Variants in SYTL3 observed in about 807,000 individuals in gnomAD.
SYTL3 encodes synaptotagmin like 3, also known as synaptotagmin-like protein 3.
SYTL3 carries 88 observed loss-of-function variants against 82.1 expected under a neutral mutation model. The observed-to-expected ratio is 1.07, with a 90% CI of 0.90 to 1.28. The LOEUF is 1.28. SYTL3 is among the 50% of genes most tolerant of loss of function. The probability of loss-of-function intolerance (pLI) is 0.00; values close to 1 mark genes in which losing one functional copy is unlikely to be tolerated. For missense variants in SYTL3, 831 were observed against 757.6 expected (o/e 1.10, Z -1.14); for synonymous variants, 311 against 289.4 (o/e 1.07, Z -0.76).
At chr6:158,722,852 G>A (rs780086371) in intron 10 of SYTL3, among the ~76,000 whole-genome samples, 22 of 129,604 alleles carry the variant, frequency 1.7e-4, no homozygotes, top group Admixed American at 4.6e-4. Context: ...TGCAACCTCC[G>A]CCTCCCAGGT....
chr6:158,663,349 G>A lies in SYTL3; in HGVS notation c.81G>A (p.Ala27=), dbSNP rs560281807. ...TCCAGGTCCTGTACCGAGACCAGGC[G>A]GTTCAAAACACAGAGGAGGAGAGGA... ...AILQVLYRDQ[A]VQNTEEERTR... is the part of the protein sequence containing the mutation. Residue 27 remains alanine (A), a synonymous_variant, in exon 4 of 18, where the codon GCG becomes GCA. Coordinates refer to ENST00000611299, the MANE Select transcript of SYTL3 (RefSeq NM_001242394.2). The A allele has an allele frequency of 1.9e-5, 30 of 1,613,988 alleles. No homozygotes were observed. Among genetic ancestry groups the A allele is most frequent in the African/African-American group, 5.3e-5 (4 of 75,022 alleles).
chr6:158,675,735 C>G (rs928237950), intron 5 of SYTL3, among the ~76,000 whole-genome samples: 4 of 152,132 alleles, frequency 2.6e-5, no homozygotes, highest in African/African-American at 9.7e-5. Context: ...ATCATGAGGT[C>G]AGGAGATCGA....
chr6:158,720,075 T>G (rs1016221618), intron 10 of SYTL3, among the ~76,000 whole-genome samples: 2 of 148,524 alleles, frequency 1.3e-5, no homozygotes, highest in Non-Finnish European at 3.0e-5. Flanking sequence ...GGTGACAGAG[T>G]GAAACCCTGT....
intron 14 of SYTL3, among the ~76,000 whole-genome samples, chr6:158,759,246 C>T (rs1483803113): frequency 6.6e-6 from 1 of 151,392 alleles, no homozygotes; most frequent in Non-Finnish European, 1.5e-5. Flanking sequence ...TGGCACAGAG[C>T]TGCAAGGCAT....
intron 5 of SYTL3, among the ~76,000 whole-genome samples, chr6:158,682,254 TTGA>T (rs761506446): frequency 4.0e-4 from 61 of 152,184 alleles, no homozygotes; most frequent in Admixed American, 1.9e-3. Context: ...ATTGGTCATT[TTGA>T]TGATAATAAT....
chr6:158,745,916 C>T (rs551423639), intron 12 of SYTL3, among the ~76,000 whole-genome samples: 26 of 152,280 alleles, frequency 1.7e-4, no homozygotes, highest in African/African-American at 6.0e-4. Context: ...CAAGGAGTGT[C>T]TTAGTCCATT....
intron 13 of SYTL3, among the ~76,000 whole-genome samples, chr6:158,754,104 G>A (rs575392197): frequency 6.6e-6 from 1 of 152,294 alleles, no homozygotes; most frequent in South Asian, 2.1e-4. Flanking sequence ...AGCCATCAGA[G>A]TACGATTCAG....
intron 11 of SYTL3, among the ~76,000 whole-genome samples, chr6:158,739,046 A>G (rs538281407): frequency 6.6e-6 from 1 of 152,346 alleles, no homozygotes; most frequent in South Asian, 2.1e-4. Context: ...GGCTCCCTGC[A>G]AAAGAAGGCG....
chr6:158,757,295 C>G lies in SYTL3; in HGVS notation c.1222C>G (p.Leu408Val), dbSNP rs750348150. 11 of 1,613,792 alleles carry G rather than the reference C, an allele frequency of 6.8e-6. No homozygotes were observed. The highest frequency in any genetic ancestry group is 1.7e-5 in the Admixed American group (1 of 59,990). ...HLGTLARRVF[L>V]GEVIIPLATW... ...GGGCACGCTGGCCCGGAGAGTGTTT[C>G]TTGGAGAAGTGATCATTCCTCTGGC... The change falls in exon 14 of 18, where the codon CTT becomes GTT. Residue 408 changes from leucine to valine, a missense_variant. Leu to Val is a conservative substitution (Grantham distance 32). Coordinates refer to ENST00000611299, the MANE Select transcript of SYTL3 (RefSeq NM_001242394.2).
chr6:158,648,223 G>A (rs1787611072), upstream of SYTL3, among the ~76,000 whole-genome samples: 1 of 152,040 alleles, frequency 6.6e-6, no homozygotes, highest in African/African-American at 2.4e-5. Flanking sequence ...AACCCAGGAG[G>A]CAGAGATTGC....
intron 7 of SYTL3, 107 bp downstream of exon 7, chr6:158,707,388 G>T: frequency 1.2e-6 from 1 of 839,982 alleles, no homozygotes; most frequent in Non-Finnish European, 1.8e-6. Context: ...CACTGCTTTG[G>T]AATGTGACTC....
chr6:158,696,916 A>T (rs894787651), intron 6 of SYTL3, among the ~76,000 whole-genome samples: 2 of 152,086 alleles, frequency 1.3e-5, no homozygotes, highest in Admixed American at 6.6e-5. Context: ...AAGACCATTC[A>T]GTAGGGAAAG....
intron 6 of SYTL3, among the ~76,000 whole-genome samples, chr6:158,699,825 G>A: frequency 6.6e-6 from 1 of 151,936 alleles, no homozygotes; most frequent in South Asian, 2.1e-4. Flanking sequence ...GTGTGCACCT[G>A]TTATCCCAGC....
In SYTL3 at chr6:158,751,917, T is replaced by C. The variant is rs766564878; in HGVS notation, c.1035-11T>C. On this transcript the variant is annotated splice_polypyrimidine_tract_variant and intron_variant, in intron 12 of 17. Transcript: ENST00000611299. ...AGTTCTCACTCTGTCCCCGCTGTGT[T>C]TGGCCCCTAGGTATGTGAAGACCTA... The C allele has an allele frequency of 6.3e-7, 1 of 1,593,942 alleles. No homozygotes were observed. Among genetic ancestry groups the C allele is most frequent in the Non-Finnish European group, 8.5e-7 (1 of 1,169,758 alleles).
intron 11 of SYTL3, among the ~76,000 whole-genome samples, chr6:158,738,412 C>T (rs1786486254): frequency 6.6e-6 from 1 of 152,178 alleles, no homozygotes; most frequent in Admixed American, 6.5e-5. Flanking sequence ...CGCATTTGCA[C>T]CCAAGTGACT....
chr6:158,761,960 G>C, intron 15 of SYTL3, 116 bp from the exon 16 acceptor site: 2 of 695,700 alleles, frequency 2.9e-6, no homozygotes, highest in Non-Finnish European at 4.9e-6. Flanking sequence ...CTGCTCTCTC[G>C]GGGTCTGAGG....
At chr6:158,734,873 G>A (rs575437541) in intron 11 of SYTL3, among the ~76,000 whole-genome samples, 4 of 152,162 alleles carry the variant, frequency 2.6e-5, no homozygotes, top group Non-Finnish European at 5.9e-5. Flanking sequence ...TCACAGCTCA[G>A]TCATTCTCAC....
At chr6:158,654,705 C>T (rs1380983084) in intron 2 of SYTL3, among the ~76,000 whole-genome samples, 1 of 152,140 alleles carries the variant, frequency 6.6e-6, no homozygotes, top group Admixed American at 6.5e-5. Context: ...GGAGGAAGGC[C>T]AGTCTCCCAG....
At chr6:158,648,083 C>T (rs753058607), upstream of SYTL3, among the ~76,000 whole-genome samples, 5 of 152,054 alleles carry the variant, frequency 3.3e-5, no homozygotes, top group Non-Finnish European at 7.4e-5. Context: ...CACCAGAGGT[C>T]GGGAGTTCGA....
Sources: gnomAD v4.1 joint callset for allele counts (sites outside exome capture counted in the v4.1 genomes callset) on GRCh38, gnomAD v4.1.1 for gene constraint, MANE v1.5 for transcripts, NCBI Gene and HGNC (gene_info 2026-07-23, HGNC 2026-07-21) for gene names.